Variants in OLFM3 observed in about 807,000 individuals in gnomAD.
OLFM3 encodes noelin-3.
A neutral mutation model predicts 48.6 loss-of-function variants in OLFM3; 20 were observed. The ratio of observed to expected loss-of-function variants is 0.41; its 90% confidence interval spans 0.29 to 0.60. OLFM3 has a LOEUF of 0.60. Among genes scored for constraint, OLFM3 ranks in the 20% least tolerant of loss-of-function variants. OLFM3 has a pLI of 0.28. For missense variants in OLFM3, 437 were observed against 544.3 expected, an observed-to-expected ratio of 0.80 and a Z score of 1.96; for synonymous variants, 222 against 198.1, an observed-to-expected ratio of 1.12 and a Z score of -1.01.
chr1:101,889,073 C>T (rs141573913), intron 1 of OLFM3, among the ~76,000 whole-genome samples: 2,113 of 152,246 alleles, frequency 0.014, 48 homozygotes, highest in African/African-American at 0.047. Flanking sequence ...ACTAGTTCAA[C>T]CATTGTGGAA....
chr1:101,947,939 T>C (rs1172292422), intron 1 of OLFM3, among the ~76,000 whole-genome samples: 2 of 152,198 alleles, frequency 1.3e-5, no homozygotes, highest in Non-Finnish European at 2.9e-5. Context: ...ATTAGTGTTA[T>C]TTAGTGAAAG....
rs567648423 is a variant in OLFM3 at position 101,814,916 on chromosome 1, G to A, written c.593-8734C>T. Among the ~76,000 whole-genome samples, 4 of 152,250 alleles carry A rather than the reference G, an allele frequency of 2.6e-5. No homozygotes were observed. The South Asian group carries it at 6.2e-4, about 24-fold the overall frequency. ...CCTTAATACGCTTGATGAATTAAGA[G>A]GAGCAAATAAACAGAAAGAAGATCA... On this transcript the variant is annotated intron_variant, in intron 4 of 5. Coordinates refer to ENST00000370103, the MANE Select transcript of OLFM3 (RefSeq NM_058170.4).
Position 101,804,225 on chromosome 1 carries a change from A to T in OLFM3, c.*13T>A. 1 of 1,548,134 alleles carries T rather than the reference A, an allele frequency of 6.5e-7. No homozygotes were observed. Among genetic ancestry groups the T allele is most frequent in the Non-Finnish European group, 8.7e-7 (1 of 1,147,924 alleles). ...TCACACTGTTTAAATCAATGAAAAC[A>T]TGTCACATTTGCCTATGTGTCATCC... is the stretch of plus-strand genomic sequence containing the variant. On this transcript the variant is annotated 3_prime_UTR_variant, in exon 6 of 6. Transcript: ENST00000370103. This position sits in a 1 kb window ranked among gnomAD's most constrained non-coding sequence, Gnocchi z 4.5.
chr1:101,894,827 A>G (rs745794285), intron 1 of OLFM3, among the ~76,000 whole-genome samples: 9 of 152,150 alleles, frequency 5.9e-5, no homozygotes, highest in Non-Finnish European at 1.0e-4. Flanking sequence ...AATTATATAT[A>G]TGGAAAGGAC....
chr1:101,853,727 A>G (rs556941672), intron 1 of OLFM3, among the ~76,000 whole-genome samples: 1 of 152,242 alleles, frequency 6.6e-6, no homozygotes, highest in East Asian at 1.9e-4. Context: ...TGCAAAACAA[A>G]CCAGTACAAT....
chr1:101,873,472 A>C (rs1437786828), intron 1 of OLFM3, among the ~76,000 whole-genome samples: 1 of 151,886 alleles, frequency 6.6e-6, no homozygotes, highest in Admixed American at 6.6e-5. Flanking sequence ...CTATCATGTT[A>C]GTCATTTGTG....
intron 1 of OLFM3, among the ~76,000 whole-genome samples, chr1:101,912,209 C>T (rs551741182): frequency 1.5e-3 from 224 of 152,260 alleles, no homozygotes; most frequent in Non-Finnish European, 2.7e-3. Context: ...TTCTCTACTG[C>T]TATCTTTTGG....
Position 101,991,016 on chromosome 1 carries a change from AATATATAT to A in OLFM3, c.69+5724_69+5731del, listed in dbSNP as rs1215588189. ...AAAAAAAAAAAAAAAAAAAAAAAAA[AATATATAT>A]ATATATATATATATATACTTCGTGG... On this transcript the variant is annotated intron_variant, in intron 1 of 5. Coordinates refer to ENST00000370103, the MANE Select transcript of OLFM3 (RefSeq NM_058170.4). Among the ~76,000 whole-genome samples, 298 of 32,156 alleles carry A rather than the reference AATATATAT, an allele frequency of 9.3e-3. 5 individuals carry two copies. The highest frequency in any genetic ancestry group is 0.011 in the Non-Finnish European group (217 of 19,212). 21.1% of individuals were successfully genotyped at this position (32,156 alleles called of 152,430 possible). A position where few individuals can be genotyped will look rare whatever the true frequency, so the allele number is the denominator to read the frequency against.
intron 1 of OLFM3, among the ~76,000 whole-genome samples, chr1:101,937,209 T>C (rs1659648951): frequency 6.6e-6 from 1 of 152,220 alleles, no homozygotes. Flanking sequence ...TTGCAAGGGC[T>C]ACATGCTTTT....
chr1:101,849,602 T>C (rs115572013), intron 1 of OLFM3, among the ~76,000 whole-genome samples: 205 of 152,352 alleles, frequency 1.3e-3, no homozygotes, highest in African/African-American at 4.6e-3. Context: ...AGGCAGGGGC[T>C]GCAGAGAGTG....
chr1:101,933,297 A>G (rs1320325806), intron 1 of OLFM3, among the ~76,000 whole-genome samples: 3 of 151,808 alleles, frequency 2.0e-5, no homozygotes, highest in African/African-American at 7.3e-5. Flanking sequence ...AAAAACTCAC[A>G]TCAATAATTT....
At chr1:101,905,018 C>T (rs1211731308) in intron 1 of OLFM3, among the ~76,000 whole-genome samples, 1 of 152,078 alleles carries the variant, frequency 6.6e-6, no homozygotes, top group Non-Finnish European at 1.5e-5. Flanking sequence ...ATAAAACGAA[C>T]CTTTCCAAAA....
intron 2 of OLFM3, among the ~76,000 whole-genome samples, chr1:101,833,611 G>T (rs1327082183): frequency 6.6e-6 from 1 of 152,056 alleles, no homozygotes; most frequent in African/African-American, 2.4e-5. Context: ...CGCCCTTCCT[G>T]GATAATTCTT....
intron 2 of OLFM3, among the ~76,000 whole-genome samples, chr1:101,836,647 G>C (rs377231521): frequency 6.6e-6 from 1 of 150,896 alleles, no homozygotes; most frequent in African/African-American, 2.4e-5. Flanking sequence ...ATATGGTAGA[G>C]AGCCAGTCTT....
intron 1 of OLFM3, among the ~76,000 whole-genome samples, chr1:101,882,122 CACG>C (rs929739525): frequency 2.6e-5 from 4 of 151,048 alleles, no homozygotes; most frequent in African/African-American, 9.7e-5. Flanking sequence ...CACACACACA[CACG>C]ACATTCATTT....
rs147991051 is a variant in OLFM3, at chr1:101,884,913, G to A, written c.70-47888C>T. ...GAAACACACGTTTCTAATTCAGCCTGTAGATGAGAAGGTCATAAGAACCTA... is the reference window on the plus strand; with the variant it reads ...GAAACACACGTTTCTAATTCAGCCTATAGATGAGAAGGTCATAAGAACCTA... On this transcript the variant is annotated intron_variant, in intron 1 of 5. Coordinates refer to ENST00000370103, the MANE Select transcript of OLFM3 (RefSeq NM_058170.4). Among the ~76,000 whole-genome samples, 895 of 152,076 alleles carry A rather than the reference G, an allele frequency of 5.9e-3. 8 individuals are homozygous for A. The highest frequency in any genetic ancestry group is 0.021 in the African/African-American group (864 of 41,494).
chr1:101,930,752 T>C (rs966630491), intron 1 of OLFM3, among the ~76,000 whole-genome samples: 3 of 152,190 alleles, frequency 2.0e-5, no homozygotes, highest in Non-Finnish European at 4.4e-5. Flanking sequence ...GTTATGATCT[T>C]TCCTTTGCAG....
At chr1:101,879,574 T>G (rs1035086237) in intron 1 of OLFM3, among the ~76,000 whole-genome samples, 1 of 151,874 alleles carries the variant, frequency 6.6e-6, no homozygotes, top group African/African-American at 2.4e-5. Flanking sequence ...TCAAAAATCA[T>G]GTATTCCTAT....
chr1:101,830,893 T>A, intron 2 of OLFM3, 66 bp from the exon 3 acceptor site: 1 of 1,441,628 alleles, frequency 6.9e-7, no homozygotes, highest in Non-Finnish European at 9.4e-7. Context: ...CACTAAGAAA[T>A]AGCAAAAATG....
Sources: allele counts gnomAD v4.1 joint callset (sites outside exome capture counted in the v4.1 genomes callset), GRCh38; gene constraint gnomAD v4.1.1; non-coding constraint Gnocchi (gnomAD v3.1); transcripts MANE v1.5; gene names NCBI Gene and HGNC (gene_info 2026-07-23, HGNC 2026-07-21).